FMN2: variants seen among roughly 807,000 people sequenced by gnomAD.
FMN2 encodes the protein formin-2.
FMN2 carries 51 observed loss-of-function variants against 142.3 expected under a neutral mutation model. The observed-to-expected ratio is 0.36, with a 90% CI of 0.29 to 0.45. The LOEUF is 0.45. FMN2 is among the 20% of genes least tolerant of loss of function. The pLI is 1.00. For missense variants in FMN2, 1,936 were observed against 2,122.8 expected, an observed-to-expected ratio of 0.91 and a Z score of 1.73; for synonymous variants, 882 against 869.8, an observed-to-expected ratio of 1.01 and a Z score of -0.25.
intron 2 of FMN2, among the ~76,000 whole-genome samples, chr1:240,171,729 T>C (rs949350989): frequency 2.0e-5 from 3 of 152,206 alleles, no homozygotes; most frequent in African/African-American, 7.2e-5. Flanking sequence ...TTGTGGATTA[T>C]AGCTCTGAGT....
chr1:240,468,236 T>TCA (rs952386041), intron 16 of FMN2, among the ~76,000 whole-genome samples: 80 of 75,832 alleles, frequency 1.1e-3, no homozygotes, highest in African/African-American at 7.9e-3. Context: ...GTGTGTGTAT[T>TCA]CACACACACA....
intron 16 of FMN2, among the ~76,000 whole-genome samples, chr1:240,454,095 A>G (rs962270402): frequency 7.2e-5 from 11 of 152,082 alleles, no homozygotes; most frequent in Admixed American, 2.6e-4. Flanking sequence ...ATCTTTTTGT[A>G]TTAGCAGCAT....
intron 7 of FMN2, among the ~76,000 whole-genome samples, chr1:240,277,870 G>C (rs1669272449): frequency 6.6e-6 from 1 of 152,084 alleles, no homozygotes; most frequent in Non-Finnish European, 1.5e-5. Context: ...TTATTTACCA[G>C]AGTGAAGGCT....
chr1:240,184,517 GTTTTTT>G (rs71712034), intron 3 of FMN2, among the ~76,000 whole-genome samples: 2 of 119,802 alleles, frequency 1.7e-5, no homozygotes, highest in South Asian at 5.5e-4. Context: ...CGCCCGGCCT[GTTTTTT>G]TTTTTTTTTT....
At chr1:240,436,818 A>G (rs1442524973) in intron 15 of FMN2, among the ~76,000 whole-genome samples, 1 of 152,218 alleles carries the variant, frequency 6.6e-6, no homozygotes, top group Non-Finnish European at 1.5e-5. Context: ...ATGTATATAT[A>G]TACTTTTGTC....
chr1:240,148,197 GAGAC>G (rs964469061), intron 2 of FMN2, among the ~76,000 whole-genome samples: 1 of 151,650 alleles, frequency 6.6e-6, no homozygotes, highest in Admixed American at 6.6e-5. Flanking sequence ...GACAGGGACA[GAGAC>G]AGAGAGAGAG....
chr1:240,186,699 G>C (rs939034456), intron 3 of FMN2, among the ~76,000 whole-genome samples: 9 of 152,174 alleles, frequency 5.9e-5, no homozygotes, highest in Non-Finnish European at 1.2e-4. Flanking sequence ...TGACTGGTGT[G>C]TGACAAGACA....
intron 14 of FMN2, among the ~76,000 whole-genome samples, chr1:240,381,875 G>A (rs1407440133): frequency 6.6e-6 from 1 of 152,172 alleles, no homozygotes; most frequent in Non-Finnish European, 1.5e-5. Flanking sequence ...TATATGGAAT[G>A]GGGAAAAGAT....
intron 16 of FMN2, among the ~76,000 whole-genome samples, chr1:240,456,155 T>G (rs11577326): frequency 0.74 from 113,076 of 151,828 alleles, 42,281 homozygotes; most frequent in Middle Eastern, 0.82. Flanking sequence ...TATTATAATA[T>G]ATACAGTTTT....
intron 8 of FMN2, among the ~76,000 whole-genome samples, chr1:240,317,878 G>A (rs945449357): frequency 1.3e-5 from 2 of 152,114 alleles, no homozygotes; most frequent in African/African-American, 4.8e-5. Context: ...ATATATGAGA[G>A]GTCCAATTTT....
At chr1:240,225,010 A>G (rs1259982498) in intron 6 of FMN2, among the ~76,000 whole-genome samples, 2 of 152,210 alleles carry the variant, frequency 1.3e-5, no homozygotes, top group Non-Finnish European at 2.9e-5. Flanking sequence ...ATAAGTTTCA[A>G]GCATTAAGAC....
intron 7 of FMN2, among the ~76,000 whole-genome samples, chr1:240,281,739 G>A (rs1043258418): frequency 3.1e-5 from 3 of 95,462 alleles, no homozygotes; most frequent in Non-Finnish European, 5.8e-5. Flanking sequence ...AAGGACAAAT[G>A]ACACAATATC....
chr1:240,361,060 T>C (rs1672445510), intron 14 of FMN2, among the ~76,000 whole-genome samples: 1 of 150,274 alleles, frequency 6.7e-6, no homozygotes, highest in Non-Finnish European at 1.5e-5. Context: ...ACATGGCACA[T>C]GTATACATAT....
At chr1:240,468,290 A>G (rs2103243321) in intron 16 of FMN2, among the ~76,000 whole-genome samples, 1 of 151,840 alleles carries the variant, frequency 6.6e-6, no homozygotes, top group East Asian at 1.9e-4. Context: ...GCACACACAC[A>G]TATACATATG....
intron 7 of FMN2, among the ~76,000 whole-genome samples, chr1:240,262,671 T>C (rs997063969): frequency 3.3e-5 from 5 of 151,800 alleles, no homozygotes; most frequent in African/African-American, 1.2e-4. Flanking sequence ...CACGGTTAGA[T>C]AGAAATACTA....
rs369527022 is a variant in FMN2 at position 240,157,974 on chromosome 1, T to TAAA, written c.1783-19929_1783-19927dup. On this transcript the variant is annotated intron_variant, in intron 2 of 17. Transcript: ENST00000319653. Reference sequence around the variant, plus strand: ...CAACATAGTCAGACTCTGTCTCTACTAAAAAAAAAAAAAAAAAAAAGTCAG... The same window carrying TAAA: ...CAACATAGTCAGACTCTGTCTCTACTAAAAAAAAAAAAAAAAAAAAAAAGTCAG... 6.5e-3 allele frequency among the ~76,000 whole-genome samples: 482 copies of TAAA among 73,686 alleles called. 6 individuals are homozygous for TAAA. The highest frequency in any genetic ancestry group is 0.022 in the African/African-American group (462 of 21,320). 48.3% of individuals were successfully genotyped at this position (73,686 alleles called of 152,430 possible).
In FMN2 at chr1:240,448,499, A is replaced by G. The variant is rs183318889; in HGVS notation, c.5060+10289A>G. On this transcript the variant is annotated intron_variant, in intron 16 of 17. Coordinates refer to ENST00000319653, the MANE Select transcript of FMN2 (RefSeq NM_020066.5). Reference sequence around the variant, plus strand: ...GTAATACATAGGACCTTTATTGCTAATGGAAAGAGATAAATACTTAGAAAA... The same window carrying G: ...GTAATACATAGGACCTTTATTGCTAGTGGAAAGAGATAAATACTTAGAAAA... Among the ~76,000 whole-genome samples, 7 of 152,254 alleles carry G rather than the reference A, an allele frequency of 4.6e-5. No individual in the cohort carries two copies. In the East Asian group the frequency reaches 1.4e-3, roughly 29 times the overall value.
chr1:240,229,062 C>T (rs1296422673), intron 6 of FMN2, among the ~76,000 whole-genome samples: 1 of 151,582 alleles, frequency 6.6e-6, no homozygotes, highest in East Asian at 1.9e-4. Flanking sequence ...CCAGAATCCC[C>T]CAGAGACAGA....
At chr1:240,198,847 C>T (rs1030365591) in intron 4 of FMN2, among the ~76,000 whole-genome samples, 2 of 152,260 alleles carry the variant, frequency 1.3e-5, no homozygotes, top group African/African-American at 4.8e-5. Context: ...TGGCTCACAC[C>T]TGTAATCCCA....
Sources: allele counts gnomAD v4.1 joint callset (sites outside exome capture counted in the v4.1 genomes callset), GRCh38; gene constraint gnomAD v4.1.1; transcripts MANE v1.5; gene names NCBI Gene and HGNC (gene_info 2026-07-23, HGNC 2026-07-21).